The following TRMT5 variants were observed in gnomAD, a reference collection of about 807,000 sequenced individuals.
The protein encoded by TRMT5 is tRNA (guanine(37)-N(1))-methyltransferase.
TRMT5 carries 31 observed loss-of-function variants against 42.2 expected under a neutral mutation model. The observed-to-expected ratio is 0.73, with a 90% CI of 0.55 to 0.99. The LOEUF (loss-of-function observed/expected upper bound fraction) is 0.99. Ranked by LOEUF, TRMT5 falls within the 50% of genes least tolerant of loss-of-function variation. The pLI is 0.00. For missense variants in TRMT5, 568 were observed against 595.0 expected, an observed-to-expected ratio of 0.95 and a Z score of 0.47; for synonymous variants, 198 against 209.6, an observed-to-expected ratio of 0.94 and a Z score of 0.48.
Position 60,979,227 on chromosome 14 carries a change from G to A in TRMT5, c.667+4C>T, listed in dbSNP as rs144025340. On this transcript the variant is annotated splice_donor_region_variant and intron_variant, in intron 2 of 4. Coordinates refer to ENST00000261249, the MANE Select transcript of TRMT5 (RefSeq NM_020810.3). The stretch of plus-strand genomic sequence containing the variant: ...ATACATGAATATTACTATGACACAC[G>A]TACCAATTAAATGTTTGAAAGGCAG... 4.2e-5 allele frequency: 67 copies of A among 1,592,820 alleles called. No homozygotes were observed. The highest frequency in any genetic ancestry group is 7.0e-5 in the Admixed American group (4 of 56,944).
intron 1 of TRMT5, 95 bp from the exon 2 acceptor site, chr14:60,979,981 T>G: frequency 3.7e-6 from 5 of 1,338,568 alleles, no homozygotes; most frequent in Non-Finnish European, 4.0e-6. Flanking sequence ...TGCTGACAAA[T>G]AAAACGTTTA....
intron 2 of TRMT5, among the ~76,000 whole-genome samples, chr14:60,978,037 C>T: frequency 6.6e-6 from 1 of 152,102 alleles, no homozygotes; most frequent in East Asian, 1.9e-4. Context: ...AAAACATCTG[C>T]CGGTTCCACT....
Position 60,972,043 on chromosome 14 carries a change from T to C in TRMT5, c.*3066A>G, listed in dbSNP as rs1200522079. 4.0e-6 allele frequency: 1 copy of C among 250,970 alleles called. No individual in the cohort carries two copies. The highest frequency in any genetic ancestry group is 7.8e-6 in the Non-Finnish European group (1 of 128,122). The allele number at this position is 250,970 out of a possible 1,614,324, so 15.5% of individuals were successfully genotyped here. ...CTCTCAAAACTAGAAGGGAAAGATG[T>C]TTTCCCCGTATCAATCCAGCTTCAG... On this transcript the variant is annotated 3_prime_UTR_variant, in exon 5 of 5. Coordinates refer to ENST00000261249, the MANE Select transcript of TRMT5 (RefSeq NM_020810.3).
At chr14:60,981,319 G>T, upstream of TRMT5, 1 of 1,610,692 alleles carries the variant, frequency 6.2e-7, no homozygotes, top group Non-Finnish European at 8.5e-7. Context: ...AGCGGGGCTG[G>T]TATGTCTCTG....
chr14:60,979,221 A>G lies in TRMT5; in HGVS notation c.667+10T>C, dbSNP rs745307278. ...CTTCAAATACATGAATATTACTATG[A>G]CACACGTACCAATTAAATGTTTGAA... On this transcript the variant is annotated intron_variant, in intron 2 of 4. Coordinates refer to ENST00000261249, the MANE Select transcript of TRMT5 (RefSeq NM_020810.3). 37 of 1,567,902 alleles carry G rather than the reference A, an allele frequency of 2.4e-5. No individual in the cohort carries two copies. The highest frequency in any genetic ancestry group is 3.9e-5 in the Admixed American group (2 of 50,962).
At chr14:60,981,671 A>G (rs2037036274), upstream of TRMT5, 1 of 1,405,242 alleles carries the variant, frequency 7.1e-7, no homozygotes, top group Non-Finnish European at 9.4e-7. Flanking sequence ...CGGCCCTAGG[A>G]TTATGTACTC....
In TRMT5 at chr14:60,975,193, C is replaced by A. The variant is rs772740742; in HGVS notation, c.1446G>T (p.Glu482Asp). 8.1e-6 allele frequency: 13 copies of A among 1,598,904 alleles called. No individual in the cohort carries two copies. Among genetic ancestry groups the A allele is most frequent in the Non-Finnish European group, 6.8e-6 (8 of 1,175,380 alleles). ...VLYKNQTRNP[E>D]NHEDPPLKRQ... ...TTTTAAGAGGTGGATCTTCATGATT[C>A]TCTGTAATAAATCCAGAAAACCTAT... Residue 482 changes from glutamate (E) to aspartate (D), a missense_variant and splice_region_variant, in exon 5 of 5, where the codon GAG becomes GAT. Coordinates refer to ENST00000261249, the MANE Select transcript of TRMT5 (RefSeq NM_020810.3).
upstream of TRMT5, chr14:60,981,213 A>C (rs779201657): frequency 1.2e-5 from 19 of 1,549,162 alleles, no homozygotes; most frequent in Non-Finnish European, 1.7e-5. Flanking sequence ...GGCGCGACCG[A>C]CGACTGGAGC....
chr14:60,975,253 A>T, intron 4 of TRMT5, 59 bp from the exon 5 acceptor site: 1 of 1,451,600 alleles, frequency 6.9e-7, no homozygotes, highest in Non-Finnish European at 9.4e-7. Flanking sequence ...AAATACTCTT[A>T]AAAAAACAAA....
rs900081922 is a variant in TRMT5, at chr14:60,980,835, G to C, written c.11+128C>G. The C allele has an allele frequency of 2.1e-6, 3 of 1,411,128 alleles. 1 individual carries two copies. Among genetic ancestry groups the C allele is most frequent in the East Asian group, 2.3e-5 (1 of 43,036 alleles). The allele number at this position is 1,411,128 out of a possible 1,614,324, so 87.4% of individuals were successfully genotyped here. On this transcript the variant is annotated intron_variant, in intron 1 of 4. Coordinates refer to ENST00000261249, the MANE Select transcript of TRMT5 (RefSeq NM_020810.3). ...TTACTATCCAGAACCTCGAAACTAA[G>C]CTCAGCACCTAGGCGGGTGGGTGAC...
chr14:60,979,422 A>T lies in TRMT5; in HGVS notation c.476T>A (p.Leu159Ter). The change falls in exon 2 of 5, where the codon TTA becomes TAA. Residue 159 changes from leucine (L) to a stop codon, truncating the protein, a stop_gained. Transcript: ENST00000261249. LOFTEE classifies it high-confidence loss of function. ...CTGTGGACTGACATTAAGCTGCTCT[A>T]AAACACTGAGTTCTGCTTTCTCAAA... is the stretch of plus-strand genomic sequence containing the variant. ...DSFEKAELSV[L>*]EQLNVSPQIS... The T allele has an allele frequency of 2.5e-6, 4 of 1,614,184 alleles. No homozygotes were observed. Among genetic ancestry groups the T allele is most frequent in the Non-Finnish European group, 3.4e-6 (4 of 1,180,016 alleles).
upstream of TRMT5, chr14:60,981,444 A>G (rs910015283): frequency 1.3e-6 from 2 of 1,548,144 alleles, no homozygotes; most frequent in African/African-American, 2.7e-5. Context: ...AGTGCCTGCC[A>G]AATAAGACCC....
Position 60,973,437 on chromosome 14 carries a change from AAAC to A in TRMT5, c.*1669_*1671del, listed in dbSNP as rs1207291401. The A allele has an allele frequency of 6.6e-6, 1 of 152,410 alleles. No homozygotes were observed. Among genetic ancestry groups the A allele is most frequent in the Non-Finnish European group, 1.5e-5 (1 of 68,126 alleles). The allele number at this position is 152,410 out of a possible 1,614,324, so 9.4% of individuals were successfully genotyped here. The stretch of plus-strand genomic sequence containing the variant: ...TGGGGGGCGAGTGCCACATACTTTG[AAAC>A]AACAAGATCTCATAACTCATTATCT... On this transcript the variant is annotated 3_prime_UTR_variant, in exon 5 of 5. Transcript: ENST00000261249.
At chr14:60,977,781 A>T (rs547301028) in intron 2 of TRMT5, 143 bp from the exon 3 acceptor site, 24 of 683,746 alleles carry the variant, frequency 3.5e-5, no homozygotes, top group South Asian at 2.5e-4. Context: ...CATGCAATTT[A>T]AAAAATTCAA....
At position 60,975,641 on chromosome 14, in the gene TRMT5, G is replaced by A. The variant is rs761888616; in HGVS notation, c.1278C>T (p.Asn426=). The stretch of plus-strand genomic sequence containing the variant: ...CCCTTTGCCGAACATCCTCAGCAGG[G>A]TTAGCATCTTTGGAAAAGCTATAAC... ...VHCYSFSKDA[N]PAEDVRQRAG... is the part of the protein sequence containing the mutation. The change falls in exon 4 of 5, where the codon AAC becomes AAT. Residue 426 remains asparagine (N), a synonymous_variant. Coordinates refer to ENST00000261249, the MANE Select transcript of TRMT5 (RefSeq NM_020810.3). 6.2e-7 allele frequency: 1 copy of A among 1,614,200 alleles called. No homozygotes were observed. Among genetic ancestry groups the A allele is most frequent in the South Asian group, 1.1e-5 (1 of 91,086 alleles).
At chr14:60,981,552 G>A (rs1056841458), upstream of TRMT5, 3 of 1,529,814 alleles carry the variant, frequency 2.0e-6, no homozygotes, top group African/African-American at 1.4e-5. Context: ...TGAGATTGGC[G>A]CAGTTATGAA....
In TRMT5 at chr14:60,974,244, A is replaced by C. The variant is rs2036814920; in HGVS notation, c.*865T>G. On this transcript the variant is annotated 3_prime_UTR_variant, in exon 5 of 5. Coordinates refer to ENST00000261249, the MANE Select transcript of TRMT5 (RefSeq NM_020810.3). ...CACATCAGTGATTTGTGATGTGTCA[A>C]ACAGCAGTGTGAAGTGATGACAGTC... 6.6e-6 allele frequency: 1 copy of C among 152,230 alleles called. No homozygotes were observed. The allele number at this position is 152,230 out of a possible 1,614,324, so 9.4% of individuals were successfully genotyped here. A position where few individuals can be genotyped will look rare whatever the true frequency, so the allele number is the denominator to read the frequency against.
intron 2 of TRMT5, among the ~76,000 whole-genome samples, chr14:60,978,992 T>A (rs1018640381): frequency 1.3e-5 from 2 of 152,200 alleles, no homozygotes; most frequent in African/African-American, 4.8e-5. Flanking sequence ...AAGTTTAATC[T>A]ACACTGATGT....
upstream of TRMT5, chr14:60,981,290 T>C (rs1239068164): frequency 5.6e-6 from 9 of 1,606,694 alleles, no homozygotes; most frequent in South Asian, 2.2e-5. Flanking sequence ...GGAGGCGTCC[T>C]GGGGGAGCTT....
Sources: gnomAD v4.1 joint callset for allele counts (sites outside exome capture counted in the v4.1 genomes callset) on GRCh38, gnomAD v4.1.1 for gene constraint, MANE v1.5 for transcripts, NCBI Gene and HGNC (gene_info 2026-07-23, HGNC 2026-07-21) for gene names.